The following LRRK2 variants were observed in gnomAD, a reference collection of about 807,000 sequenced individuals.
LRRK2 encodes the protein leucine-rich repeat serine/threonine-protein kinase 2.
Under a neutral mutation model 302.6 loss-of-function variants are expected in LRRK2, and 203 were observed. That is an observed-to-expected ratio of 0.67 (90% confidence interval 0.60 to 0.75). The LOEUF is 0.75. Among genes scored for constraint, LRRK2 ranks in the 30% least tolerant of loss-of-function variants. The pLI, the probability that LRRK2 is intolerant of heterozygous loss-of-function variation, is 0.00. For missense variants in LRRK2, 2,830 were observed against 2,951.0 expected, an observed-to-expected ratio of 0.96 and a Z score of 0.95; for synonymous variants, 1,066 against 1,031.9, an observed-to-expected ratio of 1.03 and a Z score of -0.63.
At chr12:40,288,791 C>T (rs1005488720) in intron 20 of LRRK2, among the ~76,000 whole-genome samples, 2 of 151,678 alleles carry the variant, frequency 1.3e-5, no homozygotes, top group Non-Finnish European at 2.9e-5. Flanking sequence ...TATAAGAGTT[C>T]TTTGTATATT....
chr12:40,295,374 T>C (rs1592241740), intron 22 of LRRK2, 53 bp from the exon 23 acceptor site: 2 of 1,548,156 alleles, frequency 1.3e-6, no homozygotes, highest in East Asian at 4.5e-5. Context: ...TTTTACTACA[T>C]GAATTTAAAT....
chr12:40,334,867 A>C, intron 39 of LRRK2, 100 bp from the exon 40 acceptor site: 2 of 1,305,230 alleles, frequency 1.5e-6, no homozygotes, highest in Non-Finnish European at 2.2e-6. Flanking sequence ...CCAGTCATAC[A>C]GAGAAATCCA....
rs1398690117 is a variant in LRRK2 at position 40,321,026 on chromosome 12, G to C, written c.5016-8G>C. 2.2e-5 allele frequency: 35 copies of C among 1,612,280 alleles called. No homozygotes were observed. Among genetic ancestry groups the C allele is most frequent in the Non-Finnish European group, 2.9e-5 (34 of 1,178,662 alleles). On this transcript the variant is annotated splice_region_variant and splice_polypyrimidine_tract_variant and intron_variant, in intron 34 of 50. Coordinates refer to ENST00000298910, the MANE Select transcript of LRRK2 (RefSeq NM_198578.4). Reference sequence around the variant, plus strand: ...GGCTGTATAACCATAGTGTCCTTTTGCCTTTAGTTTGTCTGACCACAGGCC... The same window carrying C: ...GGCTGTATAACCATAGTGTCCTTTTCCCTTTAGTTTGTCTGACCACAGGCC...
chr12:40,348,203 T>A (rs2896977), intron 42 of LRRK2, among the ~76,000 whole-genome samples: 42 of 80,098 alleles, frequency 5.2e-4, no homozygotes, highest in African/African-American at 2.1e-3. Flanking sequence ...TTTTATTCCA[T>A]AAAAAAAAAA....
At chr12:40,263,622 A>G (rs1036161346) in intron 13 of LRRK2, among the ~76,000 whole-genome samples, 167 bp from the exon 14 acceptor site, 12 of 152,192 alleles carry the variant, frequency 7.9e-5, no homozygotes, top group African/African-American at 2.7e-4. Context: ...ATTTTTATAG[A>G]TTCCTTAAAA....
chr12:40,304,366 A>G, intron 27 of LRRK2: 1 of 580,448 alleles, frequency 1.7e-6, no homozygotes, highest in East Asian at 2.9e-5. Context: ...GACAATTTAA[A>G]AAAATCTACT....
intron 3 of LRRK2, among the ~76,000 whole-genome samples, chr12:40,233,509 G>A (rs550763631): frequency 2.6e-5 from 4 of 152,230 alleles, no homozygotes; most frequent in South Asian, 4.1e-4. Flanking sequence ...CTTGTTTTCA[G>A]TACATAAAGG....
At chr12:40,316,350 A>G (rs1056227475) in intron 33 of LRRK2, 46 of 984,904 alleles carry the variant, frequency 4.7e-5, no homozygotes, top group Middle Eastern at 5.2e-4. Context: ...TCAAGAGCAT[A>G]TTGAAACATT....
At chr12:40,348,241 A>G (rs1946254736) in intron 42 of LRRK2, among the ~76,000 whole-genome samples, 168 bp from the exon 43 acceptor site, 2 of 152,202 alleles carry the variant, frequency 1.3e-5, no homozygotes, top group Admixed American at 6.5e-5. Flanking sequence ...AGTGGAGATC[A>G]AGTTAACAAA....
At chr12:40,356,078 G>A (rs199762199) in intron 45 of LRRK2, 37 bp from the exon 46 acceptor site, 9 of 1,466,688 alleles carry the variant, frequency 6.1e-6, no homozygotes, top group Non-Finnish European at 7.6e-6. Context: ...CAACATACAT[G>A]TTCTTTTTGT....
At chr12:40,271,513 T>C (rs900139380) in intron 14 of LRRK2, among the ~76,000 whole-genome samples, 6 of 152,198 alleles carry the variant, frequency 3.9e-5, no homozygotes, top group Non-Finnish European at 8.8e-5. Flanking sequence ...GCTGCCATCC[T>C]TCTGTTGGCA....
chr12:40,230,247 C>T lies in LRRK2; in HGVS notation c.238-2027C>T, dbSNP rs565910976. On this transcript the variant is annotated intron_variant, in intron 2 of 50. Transcript: ENST00000298910. ...ATTTATGTTTAATCTGGAAAAGATC[C>T]AAAAGTAATATTGTAAAGAGATCTT... Among the ~76,000 whole-genome samples the T allele has an allele frequency of 7.2e-5, 11 of 152,042 alleles. No homozygotes were observed. The South Asian group carries it at 1.9e-3, about 26-fold the overall frequency.
At chr12:40,298,855 C>A (rs1944503238) in intron 24 of LRRK2, among the ~76,000 whole-genome samples, 1 of 77,680 alleles carries the variant, frequency 1.3e-5, no homozygotes, top group Non-Finnish European at 2.6e-5. Flanking sequence ...ATATATAATA[C>A]CTATATATTA....
intron 18 of LRRK2, among the ~76,000 whole-genome samples, chr12:40,281,819 T>C (rs1199085264): frequency 2.6e-5 from 4 of 152,200 alleles, no homozygotes; most frequent in African/African-American, 9.7e-5. Flanking sequence ...CAGTGCTAGA[T>C]AATTAATAGA....
intron 24 of LRRK2, among the ~76,000 whole-genome samples, chr12:40,298,902 T>TATATATAATA (rs1944511231): frequency 1.6e-5 from 2 of 128,482 alleles, no homozygotes; most frequent in Non-Finnish European, 1.6e-5. Flanking sequence ...ATATATATAC[T>TATATATAATA]ATATATAATA....
intron 12 of LRRK2, among the ~76,000 whole-genome samples, chr12:40,259,183 G>A (rs995581421): frequency 1.2e-4 from 18 of 152,078 alleles, no homozygotes; most frequent in Non-Finnish European, 2.6e-4. Flanking sequence ...TGTAGAAAAT[G>A]GGGATAATAA....
At chr12:40,347,025 C>G (rs1472353737) in intron 42 of LRRK2, 102 bp downstream of exon 42, 1 of 877,518 alleles carries the variant, frequency 1.1e-6, no homozygotes, top group Middle Eastern at 3.5e-4. Context: ...AACAGATGAT[C>G]ATTTTTTTTG....
At chr12:40,281,827 A>G (rs1483159830) in intron 18 of LRRK2, among the ~76,000 whole-genome samples, 7 of 152,230 alleles carry the variant, frequency 4.6e-5, no homozygotes, top group Admixed American at 4.6e-4. Context: ...GATAATTAAT[A>G]GAGAATATAA....
At chr12:40,246,256 CT>C (rs1185733709) in intron 7 of LRRK2, among the ~76,000 whole-genome samples, 2 of 151,124 alleles carry the variant, frequency 1.3e-5, no homozygotes, top group African/African-American at 2.4e-5. Context: ...TGTAGTAAGT[CT>C]TTTTTTTCCT....
Sources: allele counts gnomAD v4.1 joint callset (sites outside exome capture counted in the v4.1 genomes callset), GRCh38; gene constraint gnomAD v4.1.1; transcripts MANE v1.5; gene names NCBI Gene and HGNC (gene_info 2026-07-23, HGNC 2026-07-21).